The following GTF3C5 variants were observed in gnomAD, a reference collection of about 807,000 sequenced individuals.
The protein encoded by GTF3C5 is general transcription factor IIIC subunit 5, also known as general transcription factor 3C polypeptide 5.
Under a neutral mutation model 61.0 loss-of-function variants are expected in GTF3C5, and 47 were observed. That is an observed-to-expected ratio of 0.77 (90% CI 0.61 to 0.98). The LOEUF (loss-of-function observed/expected upper bound fraction) is 0.98, where lower values mean the gene tolerates loss of function less well. Ranked by LOEUF, GTF3C5 falls within the 50% of genes least tolerant of loss-of-function variation. The pLI, the probability that GTF3C5 is intolerant of heterozygous loss-of-function variation, is 0.00. For missense variants in GTF3C5, 659 were observed against 703.3 expected (o/e 0.94, Z 0.71); for synonymous variants, 295 against 275.4 (o/e 1.07, Z -0.71).
chr9:133,054,377 G>A lies in GTF3C5; in HGVS notation c.989-31G>A, dbSNP rs763669109. The A allele has an allele frequency of 1.5e-5, 23 of 1,584,436 alleles. No individual in the cohort carries two copies. The East Asian group carries it at 2.7e-4, about 18-fold the overall frequency. ...TTGTGTGCCGACGGGCCCTGTGCCCGCCCACCTGACTTGCCCGCCCTCGCC... is the reference window on the plus strand; with the variant it reads ...TTGTGTGCCGACGGGCCCTGTGCCCACCCACCTGACTTGCCCGCCCTCGCC... On this transcript the variant is annotated intron_variant, in intron 6 of 10. Coordinates refer to ENST00000372097, the MANE Select transcript of GTF3C5 (RefSeq NM_012087.4).
chr9:133,055,095 C>A (rs1829890413), intron 8 of GTF3C5: 1 of 1,550,556 alleles, frequency 6.4e-7, no homozygotes, highest in Non-Finnish European at 8.7e-7. Context: ...CTTTGGGAGC[C>A]TGGGCCCCCA....
At chr9:133,054,197 T>C (rs1829854224) in intron 6 of GTF3C5, among the ~76,000 whole-genome samples, 4 of 152,244 alleles carry the variant, frequency 2.6e-5, no homozygotes, top group Admixed American at 2.6e-4. Flanking sequence ...GGTCCTGTGA[T>C]GCAGGCCAGG....
rs543814020 is a variant in GTF3C5, at chr9:133,038,749, G to T, written c.154-3338G>T. On this transcript the variant is annotated intron_variant, in intron 1 of 10. Transcript: ENST00000372097. ...TGGGATTACAGGTGTGAGCCACTGCGCCCGGCTCCTAGGGGCTTTTTTTTC... is the reference window on the plus strand; with the variant it reads ...TGGGATTACAGGTGTGAGCCACTGCTCCCGGCTCCTAGGGGCTTTTTTTTC... 1.1e-4 allele frequency among the ~76,000 whole-genome samples: 17 copies of T among 151,908 alleles called. No homozygotes were observed. The South Asian group carries it at 3.5e-3, about 32-fold the overall frequency.
In GTF3C5 at chr9:133,038,701, C is replaced by G. The variant is rs368090620; in HGVS notation, c.154-3386C>G. ...CGAACTCCTGACCTCAGGTGATCCA[C>G]CCAGCTCGGCCTCCCAAAGTGCTGG... On this transcript the variant is annotated intron_variant, in intron 1 of 10. Transcript: ENST00000372097. Among the ~76,000 whole-genome samples the G allele has an allele frequency of 1.1e-3, 173 of 152,044 alleles. No homozygotes were observed. The South Asian group carries it at 0.014, about 12-fold the overall frequency.
chr9:133,041,618 A>C (rs894710326), intron 1 of GTF3C5, among the ~76,000 whole-genome samples: 1 of 152,088 alleles, frequency 6.6e-6, no homozygotes, highest in Admixed American at 6.6e-5. Context: ...GCAGCCAGAC[A>C]TTTGGGGCCA....
Position 133,043,841 on chromosome 9 carries a change from G to T in GTF3C5, c.487G>T (p.Glu163Ter). Residue 163 changes from glutamate (E) to a stop codon, truncating the protein, a stop_gained, in exon 3 of 11, where the codon GAG becomes TAG. Coordinates refer to ENST00000372097, the MANE Select transcript of GTF3C5 (RefSeq NM_012087.4). LOFTEE classifies it high-confidence loss of function. ...CGAGAAGGAGGCCTTTTTCCACCAG[G>T]AGCTGCCGCTCTACATCCCCCCACC... ...RPEKEAFFHQ[E>*]LPLYIPPPIF... 1.9e-6 allele frequency: 3 copies of T among 1,614,062 alleles called. No individual in the cohort carries two copies. Among genetic ancestry groups the T allele is most frequent in the Non-Finnish European group, 2.5e-6 (3 of 1,179,988 alleles).
chr9:133,032,638 A>C (rs1309050847), intron 1 of GTF3C5, among the ~76,000 whole-genome samples: 1 of 152,152 alleles, frequency 6.6e-6, no homozygotes, highest in Non-Finnish European at 1.5e-5. Flanking sequence ...AGTTTGTCTG[A>C]ATAAGGCGGG....
In GTF3C5 at chr9:133,053,841, G is replaced by A. The variant is rs957472764; in HGVS notation, c.887G>A (p.Trp296Ter). 4 of 1,608,080 alleles carry A rather than the reference G, an allele frequency of 2.5e-6. No homozygotes were observed. In the African/African-American group the frequency reaches 5.4e-5, roughly 22 times the overall value. The part of the protein sequence containing the change: ...FIAYYMITGP[W>*]RSLWIRFGYD... ...TTTCTGTCCCAGATAACAGGCCCCT[G>A]GCGCAGCCTATGGATTCGATTTGGG... Residue 296 changes from tryptophan (W) to a stop codon, truncating the protein, a stop_gained, in exon 6 of 11, where the codon TGG (tryptophan) becomes TAG (stop). Transcript: ENST00000372097. LOFTEE classifies it high-confidence loss of function.
intron 2 of GTF3C5, among the ~76,000 whole-genome samples, chr9:133,043,018 G>A (rs1850084875): frequency 6.6e-6 from 1 of 152,226 alleles, no homozygotes; most frequent in Non-Finnish European, 1.5e-5. Flanking sequence ...TTACTAACAA[G>A]GCTTAGAGAT....
In GTF3C5 at chr9:133,043,775, A is replaced by G. The variant is rs781716105; in HGVS notation, c.421A>G (p.Lys141Glu). The G allele has an allele frequency of 1.2e-6, 2 of 1,614,194 alleles. No individual in the cohort carries two copies. The highest frequency in any genetic ancestry group is 1.7e-6 in the Non-Finnish European group (2 of 1,180,040). Residue 141 changes from lysine (K) to glutamate (E), a missense_variant, in exon 3 of 11, where the codon AAG becomes GAG. By Grantham distance (56) the Lys-to-Glu change is moderately conservative. Transcript: ENST00000372097. ...YLAVHTEAGG[K>E]HTSMYDKVLM... ...GGCTGTGCATACGGAAGCAGGCGGC[A>G]AGCATACGTCAATGTATGACAAGGT...
At chr9:133,053,187 C>A (rs1182941913) in intron 5 of GTF3C5, among the ~76,000 whole-genome samples, 1 of 152,132 alleles carries the variant, frequency 6.6e-6, no homozygotes, top group Non-Finnish European at 1.5e-5. Context: ...CGTTTAGGGA[C>A]AGAAGATGTC....
In GTF3C5 at chr9:133,057,816, C is replaced by G. The variant is rs759989225; in HGVS notation, c.1396C>G (p.Leu466Val). The change falls in exon 11 of 11, where the codon CTC becomes GTC. Residue 466 changes from leucine to valine, a missense_variant and splice_region_variant. By Grantham distance (32) the Leu-to-Val change is conservative (BLOSUM62 1). Coordinates refer to ENST00000372097, the MANE Select transcript of GTF3C5 (RefSeq NM_012087.4). Reference protein sequence around the residue: ...RQTIRSKRPALFSSSAKADGG... With the variant: ...RQTIRSKRPAVFSSSAKADGG... ...GGCCTTGTCTCCTCCGGCCCCAGCT[C>G]TCTTTTCCAGCTCAGCCAAGGCTGA... is the stretch of plus-strand genomic sequence containing the variant. 28 of 1,600,964 alleles carry G rather than the reference C, an allele frequency of 1.7e-5. No homozygotes were observed. Among genetic ancestry groups the G allele is most frequent in the Non-Finnish European group, 2.4e-5 (28 of 1,173,094 alleles).
chr9:133,033,172 A>G (rs1588460216), intron 1 of GTF3C5, among the ~76,000 whole-genome samples: 1 of 152,184 alleles, frequency 6.6e-6, no homozygotes, highest in Admixed American at 6.5e-5. Context: ...TCCCGCAGCT[A>G]TTTGATTACA....
At chr9:133,042,693 C>G (rs904202061) in intron 2 of GTF3C5, among the ~76,000 whole-genome samples, 8 of 152,204 alleles carry the variant, frequency 5.3e-5, no homozygotes, top group Non-Finnish European at 8.8e-5. Context: ...CCCTTGGGAC[C>G]TCCTCCTCCT....
At position 133,054,748 on chromosome 9, in the gene GTF3C5, G is replaced by T; in HGVS notation, c.1106G>T (p.Gly369Val). The T allele has an allele frequency of 6.3e-7, 1 of 1,584,266 alleles. No homozygotes were observed. The highest frequency in any genetic ancestry group is 2.3e-5 in the East Asian group (1 of 43,726). ...GTCACCATGCATGACCTGAAGCAGG[G>T]CCTGGGCCCGTCGGGGACGAGTGGT... ...QLVTMHDLKQ[G>V]LGPSGTSGAR... The change falls in exon 8 of 11, where the codon GGC becomes GTC. Residue 369 changes from glycine (G) to valine (V), a missense_variant. Coordinates refer to ENST00000372097, the MANE Select transcript of GTF3C5 (RefSeq NM_012087.4).
At chr9:133,054,968 A>G in intron 8 of GTF3C5, 159 bp downstream of exon 8, 1 of 1,551,608 alleles carries the variant, frequency 6.4e-7, no homozygotes, top group Non-Finnish European at 8.7e-7. Context: ...ACTGAGGGTG[A>G]GAACTCGGGT....
chr9:133,054,002 G>A, intron 6 of GTF3C5, 60 bp downstream of exon 6: 1 of 1,070,120 alleles, frequency 9.3e-7, no homozygotes, highest in Admixed American at 2.0e-5. Flanking sequence ...TCAGTTTCTA[G>A]CATTCTCTTT....
At chr9:133,051,000 G>T (rs1261037567) in intron 4 of GTF3C5, 22 bp downstream of exon 4, 1 of 1,547,908 alleles carries the variant, frequency 6.5e-7, no homozygotes, top group Admixed American at 2.0e-5. Context: ...GCTGCGCCTG[G>T]CCCCGGTGGC....
chr9:133,047,893 G>A (rs1270279180), intron 3 of GTF3C5, among the ~76,000 whole-genome samples: 1 of 152,218 alleles, frequency 6.6e-6, no homozygotes, highest in Admixed American at 6.5e-5. Context: ...GAGAGGCTGA[G>A]GTGGGAGGAT....
Sources: allele counts gnomAD v4.1 joint callset (sites outside exome capture counted in the v4.1 genomes callset), GRCh38; gene constraint gnomAD v4.1.1; transcripts MANE v1.5; gene names NCBI Gene and HGNC (gene_info 2026-07-23, HGNC 2026-07-21).